Variants in FBXL4 observed in about 807,000 individuals in gnomAD.
The protein encoded by FBXL4 is F-box and leucine rich repeat protein 4.
FBXL4 carries 40 observed loss-of-function variants against 58.9 expected under a neutral mutation model. The ratio of observed to expected loss-of-function variants is 0.68; its 90% CI spans 0.53 to 0.88. The LOEUF is 0.88. FBXL4 is among the 40% of genes least tolerant of loss of function. FBXL4 has a pLI of 0.00. For missense variants in FBXL4, 676 were observed against 734.4 expected (o/e 0.92, Z 0.92); for synonymous variants, 263 against 265.5 (o/e 0.99, Z 0.09).
chr6:98,945,540 G>C (rs930589412), intron 1 of FBXL4, among the ~76,000 whole-genome samples: 1 of 152,156 alleles, frequency 6.6e-6, no homozygotes, highest in Non-Finnish European at 1.5e-5. Flanking sequence ...AAGGATTTCT[G>C]TATTGCTTGA....
chr6:98,944,578 A>C (rs1423644590), intron 1 of FBXL4, among the ~76,000 whole-genome samples: 1 of 152,232 alleles, frequency 6.6e-6, no homozygotes, highest in Non-Finnish European at 1.5e-5. Flanking sequence ...AAGTTTCTGC[A>C]TATCATATAA....
At chr6:98,912,294 G>A (rs1772119720) in intron 5 of FBXL4, among the ~76,000 whole-genome samples, 1 of 152,140 alleles carries the variant, frequency 6.6e-6, no homozygotes, top group Non-Finnish European at 1.5e-5. Context: ...TAGCAAGGCA[G>A]GCCAACATTC....
chr6:98,885,011 A>G (rs1201514195), intron 7 of FBXL4, among the ~76,000 whole-genome samples: 1 of 152,218 alleles, frequency 6.6e-6, no homozygotes, highest in Non-Finnish European at 1.5e-5. Flanking sequence ...GAGGTGATAT[A>G]GGTCACTTTC....
intron 7 of FBXL4, chr6:98,899,018 C>T: frequency 1.0e-6 from 1 of 985,164 alleles, no homozygotes; most frequent in Non-Finnish European, 1.2e-6. Flanking sequence ...TATTTTTTTT[C>T]CTGGGGACAT....
At chr6:98,886,685 T>C (rs1335284963) in intron 7 of FBXL4, among the ~76,000 whole-genome samples, 1 of 152,236 alleles carries the variant, frequency 6.6e-6, no homozygotes, top group African/African-American at 2.4e-5. Flanking sequence ...ATAGAGGTCC[T>C]GCTCTGCAGT....
intron 1 of FBXL4, among the ~76,000 whole-genome samples, chr6:98,936,907 T>C (rs1033938028): frequency 1.1e-4 from 16 of 152,236 alleles, no homozygotes; most frequent in Admixed American, 1.0e-3. Context: ...CCCATGATGC[T>C]ATGTGTTAAG....
At chr6:98,904,914 AGG>A (rs1771742017) in intron 6 of FBXL4, among the ~76,000 whole-genome samples, 1 of 152,214 alleles carries the variant, frequency 6.6e-6, no homozygotes, top group African/African-American at 2.4e-5. Flanking sequence ...ACACCTGGGC[AGG>A]TCTGCAAGTG....
At chr6:98,929,640 G>C (rs1252780404) in intron 2 of FBXL4, among the ~76,000 whole-genome samples, 1 of 151,842 alleles carries the variant, frequency 6.6e-6, no homozygotes, top group African/African-American at 2.4e-5. Context: ...ACAGAGGTCA[G>C]GGGCTGAAGC....
intron 5 of FBXL4, among the ~76,000 whole-genome samples, chr6:98,914,813 G>A (rs1772267710): frequency 6.6e-6 from 1 of 152,126 alleles, no homozygotes; most frequent in Non-Finnish European, 1.5e-5. Flanking sequence ...TGGAAGTTCT[G>A]GCCAGGGCAA....
intron 6 of FBXL4, among the ~76,000 whole-genome samples, chr6:98,899,994 C>T (rs1771546943): frequency 6.6e-6 from 1 of 152,144 alleles, no homozygotes; most frequent in South Asian, 2.1e-4. Flanking sequence ...GTGGGTTTAA[C>T]TACAGCACTG....
Position 98,874,423 on chromosome 6 carries a change from G to C in FBXL4, c.1721C>G (p.Pro574Arg). 6.2e-7 allele frequency: 1 copy of C among 1,607,304 alleles called. No individual in the cohort carries two copies. The highest frequency in any genetic ancestry group is 2.2e-5 in the East Asian group (1 of 44,670). ...LDILGTRMVSPASLRKLLESC... is the reference protein window; with the variant it reads ...LDILGTRMVSRASLRKLLESC... Reference sequence around the variant, plus strand: ...TTCCAGGAGTTTTCTTAAGGATGCCGGACTTACCATTCTTGTTCCTATTTA... The same window carrying C: ...TTCCAGGAGTTTTCTTAAGGATGCCCGACTTACCATTCTTGTTCCTATTTA... Residue 574 changes from proline to arginine, a missense_variant, in exon 10 of 10, where the codon CCG becomes CGG. Pro to Arg is a moderately radical substitution (Grantham distance 103, BLOSUM62 -2). Coordinates refer to ENST00000369244, the MANE Select transcript of FBXL4 (RefSeq NM_001278716.2).
chr6:98,936,483 G>A (rs72938905), intron 1 of FBXL4, among the ~76,000 whole-genome samples: 4,543 of 152,230 alleles, frequency 0.03, 114 homozygotes, highest in Middle Eastern at 0.068. Context: ...CTGTCTCTGC[G>A]ATCTCTGAAA....
intron 4 of FBXL4, among the ~76,000 whole-genome samples, chr6:98,918,987 T>C (rs1772478290): frequency 6.6e-6 from 1 of 152,006 alleles, no homozygotes; most frequent in Non-Finnish European, 1.5e-5. Flanking sequence ...TTTATTTCCC[T>C]GGCCCAATGA....
chr6:98,944,814 A>G (rs1047727123), intron 1 of FBXL4, among the ~76,000 whole-genome samples: 3 of 152,190 alleles, frequency 2.0e-5, no homozygotes, highest in African/African-American at 7.2e-5. Context: ...CTCCTGTAAC[A>G]TAACCTACTT....
At chr6:98,931,698 G>A (rs367563871) in intron 2 of FBXL4, among the ~76,000 whole-genome samples, 2 of 152,120 alleles carry the variant, frequency 1.3e-5, no homozygotes, top group Non-Finnish European at 2.9e-5. Context: ...CATTGCTAAC[G>A]TCCTTCATTG....
intron 8 of FBXL4, among the ~76,000 whole-genome samples, chr6:98,876,480 T>C (rs1770666778): frequency 2.0e-5 from 3 of 152,184 alleles, no homozygotes; most frequent in Non-Finnish European, 4.4e-5. Flanking sequence ...GGAAACAAAA[T>C]AGTAAACAAT....
In FBXL4 at chr6:98,926,852, G is replaced by C. The variant is rs371782465; in HGVS notation, c.137C>G (p.Pro46Arg). 17 of 1,614,066 alleles carry C rather than the reference G, an allele frequency of 1.1e-5. No homozygotes were observed. The highest frequency in any genetic ancestry group is 1.6e-4 in the Middle Eastern group (1 of 6,084). Residue 46 changes from proline (P) to arginine (R), a missense_variant, in exon 4 of 10, where the codon CCT becomes CGT. Transcript: ENST00000369244. The part of the protein sequence containing the change: ...RAIESNSQTS[P>R]LNAEVVQYAK... The stretch of plus-strand genomic sequence containing the variant: ...ATACTGGACTACCTCTGCATTGAGA[G>C]GGGAAGTCTGGCTGTTTGATTCTAT...
intron 1 of FBXL4, among the ~76,000 whole-genome samples, chr6:98,947,491 T>TC: frequency 6.6e-6 from 1 of 152,266 alleles, no homozygotes; most frequent in East Asian, 1.9e-4. Context: ...CGACCCGCAG[T>TC]CCCCCGCGGT....
In FBXL4 at chr6:98,917,535, C is replaced by T; in HGVS notation, c.697G>A (p.Val233Met). Residue 233 changes from valine (V) to methionine (M), a missense_variant, in exon 5 of 10, where the codon GTG (valine) becomes ATG (methionine). Val to Met is a conservative substitution (Grantham distance 21). Transcript: ENST00000369244. ...VVLHGVKDKP[V>M]LSLKTSLIDM... ...ATAAGTGAAGTCTTGAGAGAAAGCA[C>T]TGGCTTGTCCTTCACACCATGTAGC... is the stretch of plus-strand genomic sequence containing the variant. The T allele has an allele frequency of 6.2e-7, 1 of 1,614,032 alleles. No homozygotes were observed.
Sources: allele counts gnomAD v4.1 joint callset (sites outside exome capture counted in the v4.1 genomes callset), GRCh38; gene constraint gnomAD v4.1.1; transcripts MANE v1.5; gene names NCBI Gene and HGNC (gene_info 2026-07-23, HGNC 2026-07-21).